FAM20C: variants seen among roughly 807,000 people sequenced by gnomAD.
The protein encoded by FAM20C is extracellular serine/threonine protein kinase FAM20C.
Under a neutral mutation model 51.5 loss-of-function variants are expected in FAM20C, and 40 were observed. The ratio of observed to expected loss-of-function variants is 0.78; its 90% confidence interval spans 0.60 to 1.01. The LOEUF is 1.01. Among genes scored for constraint, FAM20C ranks in the 50% least tolerant of loss-of-function variants. The pLI, the probability that FAM20C is intolerant of heterozygous loss-of-function variation, is 0.00. For synonymous variants in FAM20C, 406 were observed against 380.6 expected (o/e 1.07, Z -0.78); for missense variants, 861 against 844.7 (o/e 1.02, Z -0.24).
chr7:216,381 CGTGGTGT>C (rs1786958500), intron 3 of FAM20C, among the ~76,000 whole-genome samples: 1 of 41,362 alleles, frequency 2.4e-5, no homozygotes, highest in Non-Finnish European at 4.4e-5. Flanking sequence ...GAGCAGGGCC[CGTGGTGT>C]ATGGAGAGGA....
intron 3 of FAM20C, among the ~76,000 whole-genome samples, chr7:237,150 C>T (rs946746136): frequency 6.7e-4 from 102 of 152,282 alleles, no homozygotes; most frequent in Admixed American, 2.4e-3. Flanking sequence ...GAACAGCCAG[C>T]GTCATTGGAA....
intron 4 of FAM20C, among the ~76,000 whole-genome samples, chr7:247,641 T>C (rs1189432832): frequency 6.6e-6 from 1 of 152,202 alleles, no homozygotes; most frequent in African/African-American, 2.4e-5. Flanking sequence ...ATTTCAGCTA[T>C]CTAGAACAGC....
At chr7:199,788 T>C (rs1786046205) in intron 2 of FAM20C, among the ~76,000 whole-genome samples, 1 of 152,212 alleles carries the variant, frequency 6.6e-6, no homozygotes, top group Non-Finnish European at 1.5e-5. Context: ...AAATCGGGCA[T>C]GCAGTGCCTT....
At position 207,541 on chromosome 7, in the gene FAM20C, A is replaced by C. The variant is rs924609776; in HGVS notation, c.785-1357A>C. 5.3e-5 allele frequency among the ~76,000 whole-genome samples: 8 copies of C among 152,052 alleles called. No individual in the cohort carries two copies. In the East Asian group the frequency reaches 9.7e-4, roughly 18 times the overall value. On this transcript the variant is annotated intron_variant, in intron 2 of 9. Transcript: ENST00000313766. ...GGGAGGCTGCTCCTGAGCTGCGCCC[A>C]GGGCCCCCGCCCCGCTTCCCTCTTC...
chr7:204,030 A>T (rs990857909), intron 2 of FAM20C, among the ~76,000 whole-genome samples: 16 of 152,258 alleles, frequency 1.1e-4, no homozygotes, highest in African/African-American at 3.9e-4. Context: ...ACAGTTAAGG[A>T]AAAAACAGAA....
At chr7:205,171 C>G (rs1418484051) in intron 2 of FAM20C, among the ~76,000 whole-genome samples, 1 of 152,204 alleles carries the variant, frequency 6.6e-6, no homozygotes, top group Non-Finnish European at 1.5e-5. Flanking sequence ...AACAGGGTCT[C>G]TGTTGCCCAG....
At chr7:251,235 ACGCCTG>A (rs1788391392) in intron 5 of FAM20C, among the ~76,000 whole-genome samples, 2 of 127,866 alleles carry the variant, frequency 1.6e-5, no homozygotes, top group South Asian at 2.5e-4. Flanking sequence ...ACGGCGGCTC[ACGCCTG>A]CACTGAGTGG....
At chr7:229,855 G>A (rs559975757) in intron 3 of FAM20C, among the ~76,000 whole-genome samples, 2 of 152,054 alleles carry the variant, frequency 1.3e-5, no homozygotes, top group African/African-American at 2.4e-5. Flanking sequence ...TTTTGCCTCC[G>A]TGCCTTCATT....
intron 2 of FAM20C, among the ~76,000 whole-genome samples, chr7:204,834 G>C (rs1786276561): frequency 6.6e-6 from 1 of 152,202 alleles, no homozygotes; most frequent in African/African-American, 2.4e-5. Flanking sequence ...CACTGCCGCT[G>C]TTCTCAGTGT....
chr7:255,451 T>G (rs1369188712), intron 5 of FAM20C, among the ~76,000 whole-genome samples: 1 of 152,166 alleles, frequency 6.6e-6, no homozygotes, highest in Non-Finnish European at 1.5e-5. Context: ...GTGATGAGAG[T>G]TCTTCATACA....
In FAM20C at chr7:246,315, C is replaced by G. The variant is rs534901269; in HGVS notation, c.864-100C>G. The G allele has an allele frequency of 1.9e-5, 19 of 1,006,790 alleles. No individual in the cohort carries two copies. In the Admixed American group the frequency reaches 3.8e-4, roughly 20 times the overall value. 62.4% of individuals were successfully genotyped at this position (1,006,790 alleles called of 1,614,324 possible). ...GGCCCTGAGGAGGCTGGAGCTCCACCGCATTTTTCATATGAGGAACCCAGC... is the reference window on the plus strand; with the variant it reads ...GGCCCTGAGGAGGCTGGAGCTCCACGGCATTTTTCATATGAGGAACCCAGC... On this transcript the variant is annotated intron_variant, in intron 3 of 9. Coordinates refer to ENST00000313766, the MANE Select transcript of FAM20C (RefSeq NM_020223.4).
At chr7:236,239 C>T (rs1156278803) in intron 3 of FAM20C, among the ~76,000 whole-genome samples, 4 of 130,160 alleles carry the variant, frequency 3.1e-5, no homozygotes, top group East Asian at 2.1e-4. Context: ...GGCTCCTGGC[C>T]GAGGTGAGAG....
chr7:210,841 T>C (rs1468845341), intron 3 of FAM20C, among the ~76,000 whole-genome samples: 1 of 152,002 alleles, frequency 6.6e-6, no homozygotes, highest in African/African-American at 2.4e-5. Context: ...AACGGTGACA[T>C]TTACCGAGCC....
chr7:220,172 G>A (rs567646985), intron 3 of FAM20C, among the ~76,000 whole-genome samples: 2 of 152,348 alleles, frequency 1.3e-5, no homozygotes, highest in South Asian at 4.2e-4. Flanking sequence ...CCTCGCTGTG[G>A]TGGGGTCCCT....
rs547184013 is a variant in FAM20C at position 255,986 on chromosome 7, C to A, written c.1210C>A (p.Arg404=). The A allele has an allele frequency of 1.2e-5, 19 of 1,536,076 alleles. No homozygotes were observed. The African/African-American group carries it at 2.2e-4, about 18-fold the overall frequency. ...DLSLAKRKTW[R]NPWRRSYHKR... ...GTCCCTGGCCAAGAGGAAGACCTGGCGGAACCCTTGGCGGCGTTCCTACCA... is the reference window on the plus strand; with the variant it reads ...GTCCCTGGCCAAGAGGAAGACCTGGAGGAACCCTTGGCGGCGTTCCTACCA... Residue 404 remains arginine (R), a synonymous_variant, in exon 6 of 10, where the codon CGG becomes AGG. Transcript: ENST00000313766.
At chr7:259,680 G>T in intron 9 of FAM20C, 51 bp from the exon 10 acceptor site, 3 of 1,459,250 alleles carry the variant, frequency 2.1e-6, no homozygotes, top group Admixed American at 2.2e-5. Context: ...TTTCCCGTGG[G>T]CAGGCATCTC....
chr7:234,653 C>T (rs1162632966), intron 3 of FAM20C, among the ~76,000 whole-genome samples: 1 of 152,184 alleles, frequency 6.6e-6, no homozygotes, highest in Non-Finnish European at 1.5e-5. Flanking sequence ...CTGCCCTCAG[C>T]ATGTGGCTCC....
intron 3 of FAM20C, among the ~76,000 whole-genome samples, chr7:212,972 C>T (rs532261199): frequency 6.0e-5 from 5 of 83,766 alleles, no homozygotes; most frequent in Non-Finnish European, 1.5e-4. Context: ...CCCCCTTGTC[C>T]GCCTCCAGCC....
At chr7:213,090 G>A (rs35745428) in intron 3 of FAM20C, among the ~76,000 whole-genome samples, 50,362 of 151,174 alleles carry the variant, frequency 0.33, 8,623 homozygotes, top group South Asian at 0.48. Context: ...TGAGTGACAC[G>A]TTTCCAAGGC....
Sources: allele counts gnomAD v4.1 joint callset (sites outside exome capture counted in the v4.1 genomes callset), GRCh38; gene constraint gnomAD v4.1.1; transcripts MANE v1.5; gene names NCBI Gene and HGNC (gene_info 2026-07-23, HGNC 2026-07-21).